FRK: variants seen among roughly 807,000 people sequenced by gnomAD.
FRK encodes tyrosine-protein kinase FRK.
A neutral mutation model predicts 56.4 loss-of-function variants in FRK; 51 were observed. The observed-to-expected ratio is 0.90, with a 90% CI of 0.72 to 1.14. The LOEUF (loss-of-function observed/expected upper bound fraction) is 1.14, where lower values mean the gene tolerates loss of function less well. FRK is among the 50% of genes most tolerant of loss of function. The probability of loss-of-function intolerance (pLI) is 0.00; values close to 1 mark genes in which losing one functional copy is unlikely to be tolerated. For missense variants in FRK, 570 were observed against 601.4 expected (o/e 0.95, Z 0.55); for synonymous variants, 245 against 217.9 (o/e 1.12, Z -1.10).
At chr6:116,003,753 T>A in intron 2 of FRK, 124 bp downstream of exon 2, 4 of 984,060 alleles carry the variant, frequency 4.1e-6, no homozygotes, top group Non-Finnish European at 6.0e-6. Context: ...TAGTATTAAT[T>A]TTGGTGCTAC....
chr6:116,090,598 A>T, the FRK span, among the ~76,000 whole-genome samples: 1 of 152,236 alleles, frequency 6.6e-6, no homozygotes, highest in Non-Finnish European at 1.5e-5. Context: ...GTGGTTACAG[A>T]CAATGTGTCT....
intron 1 of FRK, among the ~76,000 whole-genome samples, chr6:116,033,211 GT>G (rs1254429141): frequency 1.3e-5 from 2 of 152,102 alleles, no homozygotes; most frequent in East Asian, 3.9e-4. Context: ...TAATTAAAAG[GT>G]TACATTTCAA....
At chr6:116,000,510 T>C (rs1775024418) in intron 2 of FRK, among the ~76,000 whole-genome samples, 1 of 152,112 alleles carries the variant, frequency 6.6e-6, no homozygotes, top group African/African-American at 2.4e-5. Context: ...CCCAAAGTGC[T>C]GGGATTACTT....
intron 2 of FRK, among the ~76,000 whole-genome samples, chr6:115,986,556 C>T (rs1002682893): frequency 9.2e-5 from 14 of 152,264 alleles, no homozygotes; most frequent in East Asian, 1.9e-4. Flanking sequence ...CATGTTAGCA[C>T]GGATGAGTAA....
At chr6:116,023,960 C>T (rs1775976119) in intron 1 of FRK, among the ~76,000 whole-genome samples, 1 of 124,630 alleles carries the variant, frequency 8.0e-6, no homozygotes, top group Non-Finnish European at 1.8e-5. Context: ...TTGAAAATAA[C>T]TAGTTGGCTT....
chr6:116,050,059 G>C (rs1336373260), intron 1 of FRK, among the ~76,000 whole-genome samples: 1 of 152,078 alleles, frequency 6.6e-6, no homozygotes, highest in Non-Finnish European at 1.5e-5. Flanking sequence ...ACACGCTTAT[G>C]GCATTTATCA....
intron 1 of FRK, among the ~76,000 whole-genome samples, chr6:116,054,282 T>C (rs991245340): frequency 1.3e-5 from 2 of 150,324 alleles, no homozygotes; most frequent in Non-Finnish European, 3.0e-5. Flanking sequence ...ACAGTAACGC[T>C]AATTAATCTC....
chr6:116,024,259 CA>C (rs1775990784), intron 1 of FRK, among the ~76,000 whole-genome samples: 1 of 151,520 alleles, frequency 6.6e-6, no homozygotes, highest in Admixed American at 6.6e-5. Flanking sequence ...CTTTTTCTTT[CA>C]TTTTTTTAAT....
In FRK at chr6:115,958,287, C is replaced by T. The variant is rs1293468943; in HGVS notation, c.800-1677G>A. 4.6e-5 allele frequency among the ~76,000 whole-genome samples: 7 copies of T among 151,816 alleles called. No individual in the cohort carries two copies. The East Asian group carries it at 1.4e-3, about 29-fold the overall frequency. On this transcript the variant is annotated intron_variant, in intron 4 of 7. Coordinates refer to ENST00000606080, the MANE Select transcript of FRK (RefSeq NM_002031.3). ...GTGGGGAATCCCCCCACTACCACCC[C>T]CCCCAAAAAAGAAGCTTCCAATGAT...
At chr6:116,020,264 C>T (rs886920325) in intron 1 of FRK, among the ~76,000 whole-genome samples, 3 of 152,000 alleles carry the variant, frequency 2.0e-5, no homozygotes, top group African/African-American at 7.2e-5. Flanking sequence ...AAAGTGATCT[C>T]TTCTTTTGTC....
At position 115,941,360 on chromosome 6, in the gene FRK, G is replaced by A. The variant is rs991724994; in HGVS notation, c.*1054C>T. 1 of 152,148 alleles carries A rather than the reference G, an allele frequency of 6.6e-6. No homozygotes were observed. The highest frequency in any genetic ancestry group is 2.4e-5 in the African/African-American group (1 of 41,428). The allele number at this position is 152,148 out of a possible 1,614,324, so 9.4% of individuals were successfully genotyped here. A position where few individuals can be genotyped will look rare whatever the true frequency, so the allele number is the denominator to read the frequency against. On this transcript the variant is annotated 3_prime_UTR_variant, in exon 8 of 8. Transcript: ENST00000606080. Reference sequence around the variant, plus strand: ...GCCTGTCAGGGGATGGAGGGCTAGGGGAGGAACAGCACTAGGAGAAATGCC... The same window carrying A: ...GCCTGTCAGGGGATGGAGGGCTAGGAGAGGAACAGCACTAGGAGAAATGCC...
At chr6:116,071,391 G>A in the FRK span, among the ~76,000 whole-genome samples, 3 of 152,036 alleles carry the variant, frequency 2.0e-5, no homozygotes, top group South Asian at 2.1e-4. Flanking sequence ...GAAAATATAC[G>A]AATTGAGTTA....
chr6:116,033,753 A>T (rs1480027509), intron 1 of FRK, among the ~76,000 whole-genome samples: 1 of 152,080 alleles, frequency 6.6e-6, no homozygotes, highest in Non-Finnish European at 1.5e-5. Flanking sequence ...TTGAACAGAG[A>T]AGTAATTTTA....
the FRK span, among the ~76,000 whole-genome samples, chr6:116,086,166 C>T: frequency 1.3e-5 from 2 of 152,058 alleles, no homozygotes; most frequent in South Asian, 2.1e-4. Context: ...CCACCATGCC[C>T]GGCTAATTGT....
In FRK at chr6:115,935,835, A is replaced by C. The variant is rs1174882741; in HGVS notation, c.*6579T>G. On this transcript the variant is annotated 3_prime_UTR_variant, in exon 8 of 8. Transcript: ENST00000606080. Reference sequence around the variant, plus strand: ...CTCTGGGCAGGGCAACTCTAAAAAAAAGGCAGTCAGGGACTAATAGATAAA... The same window carrying C: ...CTCTGGGCAGGGCAACTCTAAAAAACAGGCAGTCAGGGACTAATAGATAAA... 1 of 152,268 alleles carries C rather than the reference A, an allele frequency of 6.6e-6. No individual in the cohort carries two copies. The highest frequency in any genetic ancestry group is 1.9e-4 in the East Asian group (1 of 5,190). The allele number at this position is 152,268 out of a possible 1,614,324, so 9.4% of individuals were successfully genotyped here. A position where few individuals can be genotyped will look rare whatever the true frequency, so the allele number is the denominator to read the frequency against.
At chr6:115,946,634 T>C (rs1323981893) in intron 5 of FRK, among the ~76,000 whole-genome samples, 4 of 152,086 alleles carry the variant, frequency 2.6e-5, no homozygotes, top group Admixed American at 6.6e-5. Context: ...GATCATAAGT[T>C]ACAAGTGGGA....
chr6:116,019,158 T>C lies in FRK; in HGVS notation c.345-15160A>G, dbSNP rs538354744. On this transcript the variant is annotated intron_variant, in intron 1 of 7. Transcript: ENST00000606080. ...TCCTTAGCTTACTTTGTTTTTGGTA[T>C]TATTTGATTAATTCCTACTTCCCAT... Among the ~76,000 whole-genome samples the C allele has an allele frequency of 5.9e-5, 9 of 152,338 alleles. No individual in the cohort carries two copies. In the East Asian group the frequency reaches 1.7e-3, roughly 29 times the overall value.
At chr6:115,980,973 C>A (rs1774177457) in intron 2 of FRK, among the ~76,000 whole-genome samples, 1 of 152,004 alleles carries the variant, frequency 6.6e-6, no homozygotes, top group Non-Finnish European at 1.5e-5. Context: ...TTATGTTTAG[C>A]TATATTTTAT....
chr6:116,007,065 T>C (rs1775272200), intron 1 of FRK, among the ~76,000 whole-genome samples: 1 of 152,190 alleles, frequency 6.6e-6, no homozygotes, highest in South Asian at 2.1e-4. Context: ...TTCACAGAAA[T>C]ATTTCAAGCA....
Sources: gnomAD v4.1 joint callset for allele counts (sites outside exome capture counted in the v4.1 genomes callset) on GRCh38, gnomAD v4.1.1 for gene constraint, MANE v1.5 for transcripts, NCBI Gene and HGNC (gene_info 2026-07-23, HGNC 2026-07-21) for gene names.